Variants in PAGE2B observed in about 807,000 individuals in gnomAD.
The protein encoded by PAGE2B is PAGE family member 2B.
Under a neutral mutation model 7.6 loss-of-function variants are expected in PAGE2B, and 5 were observed. That is an observed-to-expected ratio of 0.66 (90% confidence interval 0.34 to 1.38). The LOEUF (loss-of-function observed/expected upper bound fraction) is 1.38, where lower values mean the gene tolerates loss of function less well. Ranked by LOEUF, PAGE2B falls within the 40% of genes most tolerant of loss-of-function variation. PAGE2B has a pLI of 0.04. For missense variants in PAGE2B, 70 were observed against 78.4 expected (o/e 0.89, Z 0.41); for synonymous variants, 29 against 26.7 (o/e 1.09, Z -0.27).
chrX:55,053,155 T>C, the PAGE2B span, among the ~76,000 whole-genome samples: 1 of 111,440 alleles, frequency 9.0e-6, no homozygotes, highest in African/African-American at 3.3e-5. Flanking sequence ...ATAAAGAAAA[T>C]ATCATACATA....
the PAGE2B span, among the ~76,000 whole-genome samples, chrX:55,064,093 TCTC>T: frequency 1.9e-4 from 21 of 111,610 alleles, no homozygotes; most frequent in African/African-American, 6.5e-4. Context: ...AGAAGTATTC[TCTC>T]CTCCTCTATT....
chrX:55,046,858 G>T, the PAGE2B span, among the ~76,000 whole-genome samples: 1 of 112,087 alleles, frequency 8.9e-6, no homozygotes, highest in Non-Finnish European at 1.9e-5. Context: ...TTCATAAAGA[G>T]AATTGAAATT....
At chrX:55,051,224 C>G in the PAGE2B span, among the ~76,000 whole-genome samples, 1 of 111,481 alleles carries the variant, frequency 9.0e-6, no homozygotes, top group Non-Finnish European at 1.9e-5. Flanking sequence ...CGACCTTTCT[C>G]TCTGGCTGCC....
chrX:55,056,022 C>T, the PAGE2B span, among the ~76,000 whole-genome samples: 1 of 110,925 alleles, frequency 9.0e-6, no homozygotes, highest in Non-Finnish European at 1.9e-5. Context: ...GGTTTCAGTA[C>T]CAGTGTAGTA....
At chrX:55,070,932 C>T (rs1936442596), upstream of PAGE2B, among the ~76,000 whole-genome samples, 1 of 111,174 alleles carries the variant, frequency 9.0e-6, no homozygotes, top group African/African-American at 3.3e-5. Flanking sequence ...TGTGTCTTTG[C>T]ACGTGAGATG....
chrX:55,041,129 T>C, the PAGE2B span, among the ~76,000 whole-genome samples: 1 of 100,277 alleles, frequency 1.0e-5, no homozygotes, highest in Non-Finnish European at 2.0e-5. Flanking sequence ...TCGCCCAGGC[T>C]GGAGTGCAGT....
chrX:55,047,280 A>G, the PAGE2B span, among the ~76,000 whole-genome samples: 7 of 111,916 alleles, frequency 6.3e-5, no homozygotes, highest in African/African-American at 2.3e-4. Flanking sequence ...ATGGCTGCAT[A>G]GTATTCCATA....
chrX:55,072,482 G>T (rs1936459305), upstream of PAGE2B, among the ~76,000 whole-genome samples: 1 of 112,534 alleles, frequency 8.9e-6, no homozygotes, highest in Non-Finnish European at 1.9e-5. Context: ...TGTATGAGGT[G>T]TCTGTGGACC....
the PAGE2B span, among the ~76,000 whole-genome samples, chrX:55,037,734 G>A: frequency 9.1e-6 from 1 of 110,181 alleles, no homozygotes; most frequent in African/African-American, 3.3e-5. Flanking sequence ...AAAAAAGGAT[G>A]AGTTCATTTC....
the PAGE2B span, among the ~76,000 whole-genome samples, chrX:55,043,227 T>C: frequency 8.9e-6 from 1 of 111,799 alleles, no homozygotes; most frequent in Non-Finnish European, 1.9e-5. Flanking sequence ...CCTGAAACCA[T>C]AAAAATTGTA....
the PAGE2B span, among the ~76,000 whole-genome samples, chrX:55,069,817 A>C: frequency 9.0e-6 from 1 of 111,554 alleles, no homozygotes; most frequent in East Asian, 2.8e-4. Context: ...TAGATTTTCT[A>C]GTTTATTTGC....
In PAGE2B at chrX:55,076,084, G is replaced by A. The variant is rs374891323; in HGVS notation, c.43G>A (p.Gly15Arg). 51 of 1,208,393 alleles carry A rather than the reference G, an allele frequency of 4.2e-5. No individual in the cohort carries two copies. The African/African-American group carries it at 8.1e-4, about 19-fold the overall frequency. The stretch of plus-strand genomic sequence containing the variant: ...AACAAGATCCCAATCCTCAGAAAGA[G>A]GAAATGACCAAGAGTCTTCCCAGCC... The part of the protein sequence containing the change: ...VRTRSQSSER[G>R]NDQESSQPVG... The change falls in exon 2 of 5, where the codon GGA (glycine) becomes AGA (arginine). Residue 15 changes from glycine to arginine, a missense_variant. Transcript: ENST00000374971.
At chrX:55,028,269 G>A in the PAGE2B span, among the ~76,000 whole-genome samples, 1 of 111,180 alleles carries the variant, frequency 9.0e-6, no homozygotes, top group South Asian at 3.8e-4. Context: ...GGGCGTGGGA[G>A]AGAAGAGGAG....
chrX:55,074,800 G>T (rs1936485621), upstream of PAGE2B, among the ~76,000 whole-genome samples: 1 of 112,571 alleles, frequency 8.9e-6, no homozygotes, highest in Non-Finnish European at 1.9e-5. Flanking sequence ...AAAGCCACTG[G>T]AAGTGAAAGA....
At chrX:55,034,800 G>GTA in the PAGE2B span, among the ~76,000 whole-genome samples, 3 of 107,538 alleles carry the variant, frequency 2.8e-5, no homozygotes, top group East Asian at 5.8e-4. Flanking sequence ...ATATATTTAT[G>GTA]TATATATATA....
the PAGE2B span, among the ~76,000 whole-genome samples, chrX:55,029,315 C>T: frequency 2.7e-5 from 3 of 111,315 alleles, no homozygotes; most frequent in African/African-American, 3.3e-5. Flanking sequence ...TCATAGATTC[C>T]GCCTAGTTCT....
At chrX:55,076,407 T>C (rs757004187) in intron 2 of PAGE2B, among the ~76,000 whole-genome samples, 162 bp from the exon 3 acceptor site, 2 of 108,984 alleles carry the variant, frequency 1.8e-5, no homozygotes, top group Admixed American at 2.0e-4. Flanking sequence ...TGTGTATATA[T>C]GTATGTATAT....
chrX:55,042,437 G>A, the PAGE2B span, among the ~76,000 whole-genome samples: 1 of 108,880 alleles, frequency 9.2e-6, no homozygotes, highest in Admixed American at 9.8e-5. Context: ...GGCGGATCAC[G>A]AGGTCAGGAG....
the PAGE2B span, among the ~76,000 whole-genome samples, chrX:55,036,688 G>A: frequency 2.7e-5 from 3 of 109,997 alleles, no homozygotes; most frequent in Non-Finnish European, 5.7e-5. Context: ...GCATGGTACT[G>A]GTACCAAAAC....
Sources: allele counts gnomAD v4.1 joint callset (sites outside exome capture counted in the v4.1 genomes callset), GRCh38; gene constraint gnomAD v4.1.1; transcripts MANE v1.5; gene names NCBI Gene and HGNC (gene_info 2026-07-23, HGNC 2026-07-21).